ROCK1: variants seen among roughly 807,000 people sequenced by gnomAD.
ROCK1 encodes rho-associated protein kinase 1.
In ROCK1, 36 loss-of-function variants were observed where a neutral mutation model predicts 196.8. That is an observed-to-expected ratio of 0.18 (90% CI 0.14 to 0.24). ROCK1 has a LOEUF of 0.24. ROCK1 is among the 10% of genes least tolerant of loss of function. The pLI is 1.00. For missense variants in ROCK1, 920 were observed against 1,562.0 expected (o/e 0.59, Z 6.93); for synonymous variants, 443 against 515.9 (o/e 0.86, Z 1.91).
At chr18:21,055,952 T>G (rs531337643) in intron 2 of ROCK1, among the ~76,000 whole-genome samples, 2 of 152,224 alleles carry the variant, frequency 1.3e-5, no homozygotes, top group African/African-American at 2.4e-5. Context: ...CATCTTGATA[T>G]ATCAGTGGCT....
At chr18:21,028,997 A>G (rs889403368) in intron 9 of ROCK1, 62 bp from the exon 10 acceptor site, 1 of 1,483,980 alleles carries the variant, frequency 6.7e-7, no homozygotes, top group Admixed American at 2.1e-5. Flanking sequence ...AGTGAAGCAC[A>G]TTCCATACCA....
intron 13 of ROCK1, among the ~76,000 whole-genome samples, chr18:21,011,792 T>G (rs1346120064): frequency 6.6e-6 from 1 of 152,208 alleles, no homozygotes; most frequent in Non-Finnish European, 1.5e-5. Context: ...CATTACTCTC[T>G]GTTTATAATG....
Position 21,093,200 on chromosome 18 carries a change from T to C in ROCK1, c.93+17618A>G, listed in dbSNP as rs549222643. ...ACTTTTTCCACTGTACCTGAACAAA[T>C]AGTCTTAGAAGCTACTGGCACTCGT... On this transcript the variant is annotated intron_variant, in intron 1 of 32. Coordinates refer to ENST00000399799, the MANE Select transcript of ROCK1 (RefSeq NM_005406.3). 1.2e-4 allele frequency among the ~76,000 whole-genome samples: 19 copies of C among 152,304 alleles called. No individual in the cohort carries two copies. In the South Asian group the frequency reaches 3.5e-3, roughly 28 times the overall value.
At chr18:20,988,266 C>A (rs1183938800) in intron 18 of ROCK1, among the ~76,000 whole-genome samples, 1 of 152,024 alleles carries the variant, frequency 6.6e-6, no homozygotes, top group African/African-American at 2.4e-5. Context: ...GGGGGTTTCA[C>A]CATGTTGCCC....
At chr18:21,006,287 T>C (rs575021004) in intron 16 of ROCK1, 64 bp downstream of exon 16, 3 of 1,288,812 alleles carry the variant, frequency 2.3e-6, no homozygotes, top group African/African-American at 3.0e-5. Flanking sequence ...TATATAAAAA[T>C]GGTTAAAATG....
intron 1 of ROCK1, among the ~76,000 whole-genome samples, chr18:21,109,147 A>C (rs1400689342): frequency 6.6e-6 from 1 of 152,206 alleles, no homozygotes; most frequent in Non-Finnish European, 1.5e-5. Flanking sequence ...AATCATCTGG[A>C]ATTTATCACA....
chr18:21,045,902 T>G (rs1471159448), intron 4 of ROCK1, among the ~76,000 whole-genome samples: 1 of 94,404 alleles, frequency 1.1e-5, no homozygotes, highest in Non-Finnish European at 1.9e-5. Context: ...TTCAGCTGTT[T>G]TTTTTTTTTT....
chr18:21,037,403 A>G (rs886722503), intron 9 of ROCK1, among the ~76,000 whole-genome samples: 1 of 152,180 alleles, frequency 6.6e-6, no homozygotes, highest in Non-Finnish European at 1.5e-5. Flanking sequence ...GCCACGGAAA[A>G]TGGAAACCCA....
chr18:21,090,226 G>A (rs1423899746), intron 1 of ROCK1, among the ~76,000 whole-genome samples: 1 of 152,202 alleles, frequency 6.6e-6, no homozygotes, highest in African/African-American at 2.4e-5. Context: ...CACTTTGGGA[G>A]GCCAAGGCGG....
rs542300513 is a variant in ROCK1 at position 21,012,114 on chromosome 18, A to AT, written c.1410+3316dup. 4.6e-5 allele frequency among the ~76,000 whole-genome samples: 7 copies of AT among 151,674 alleles called. No individual in the cohort carries two copies. In the East Asian group the frequency reaches 1.2e-3, roughly 25 times the overall value. The stretch of plus-strand genomic sequence containing the variant: ...AAGTACACGCTACCACACTTGGCTA[A>AT]TTTTTTTTGTATTTTTAGTAAAGAT... On this transcript the variant is annotated intron_variant, in intron 13 of 32. Transcript: ENST00000399799.
At chr18:21,020,725 T>C (rs1441528708) in intron 11 of ROCK1, among the ~76,000 whole-genome samples, 4 of 152,214 alleles carry the variant, frequency 2.6e-5, no homozygotes, top group Non-Finnish European at 5.9e-5. Flanking sequence ...AAAGGCATTT[T>C]AGCTAGAATG....
chr18:20,961,286 C>A lies in ROCK1; in HGVS notation c.3353-1080G>T, dbSNP rs189725760. The stretch of plus-strand genomic sequence containing the variant: ...TGGTAATCCTAAGGCAATATATTGT[C>A]CGCCTTCATATAATTTAAAAGCTAT... On this transcript the variant is annotated intron_variant, in intron 27 of 32. Coordinates refer to ENST00000399799, the MANE Select transcript of ROCK1 (RefSeq NM_005406.3). 5.1e-4 allele frequency among the ~76,000 whole-genome samples: 78 copies of A among 152,220 alleles called. No homozygotes were observed. In the East Asian group the frequency reaches 0.013, roughly 24 times the overall value.
chr18:21,104,354 G>A (rs1251428110), intron 1 of ROCK1, among the ~76,000 whole-genome samples: 2 of 152,118 alleles, frequency 1.3e-5, no homozygotes, highest in African/African-American at 4.8e-5. Context: ...TCCCAGCACT[G>A]TGGGAGGCTG....
At chr18:20,980,824 G>A (rs1439958568) in intron 21 of ROCK1, among the ~76,000 whole-genome samples, 1 of 150,746 alleles carries the variant, frequency 6.6e-6, no homozygotes, top group Non-Finnish European at 1.5e-5. Flanking sequence ...GCTGAGGCAG[G>A]AGAATCGCTT....
intron 6 of ROCK1, 61 bp from the exon 7 acceptor site, chr18:21,042,770 ACTTT>A: frequency 2.0e-6 from 3 of 1,489,414 alleles, no homozygotes; most frequent in Non-Finnish European, 2.7e-6. Context: ...ATTTAAAATG[ACTTT>A]CTTATTAATA....
chr18:20,993,922 G>A (rs2035648445), intron 16 of ROCK1, among the ~76,000 whole-genome samples: 1 of 152,162 alleles, frequency 6.6e-6, no homozygotes, highest in Admixed American at 6.5e-5. Flanking sequence ...GAAAATAGAT[G>A]AAGTACCAGA....
chr18:20,960,013 C>G (rs1211578628), intron 28 of ROCK1, 85 bp from the exon 29 acceptor site: 2 of 1,016,746 alleles, frequency 2.0e-6, no homozygotes, highest in Non-Finnish European at 3.1e-6. Flanking sequence ...CCACTAATAT[C>G]TAGATTATAC....
At chr18:21,080,670 T>G (rs1386250710) in intron 1 of ROCK1, among the ~76,000 whole-genome samples, 1 of 151,678 alleles carries the variant, frequency 6.6e-6, no homozygotes, top group Non-Finnish European at 1.5e-5. Flanking sequence ...TCCATGCAAA[T>G]AGTAAATAAA....
At position 21,017,547 on chromosome 18, in the gene ROCK1, T is replaced by C. The variant is rs534385345; in HGVS notation, c.1362-2068A>G. Among the ~76,000 whole-genome samples the C allele has an allele frequency of 2.6e-5, 4 of 152,282 alleles. No homozygotes were observed. In the South Asian group the frequency reaches 8.3e-4, roughly 32 times the overall value. The stretch of plus-strand genomic sequence containing the variant: ...TTCTTGCTAAATTACAAGCTCCTTG[T>C]GGAGAGGGGCCATGTCGTGATTTAT... On this transcript the variant is annotated intron_variant, in intron 12 of 32. Coordinates refer to ENST00000399799, the MANE Select transcript of ROCK1 (RefSeq NM_005406.3).
Sources: allele counts gnomAD v4.1 joint callset (sites outside exome capture counted in the v4.1 genomes callset), GRCh38; gene constraint gnomAD v4.1.1; transcripts MANE v1.5; gene names NCBI Gene and HGNC (gene_info 2026-07-23, HGNC 2026-07-21).